The following MMP2 variants were observed in gnomAD, a reference collection of about 807,000 sequenced individuals.
MMP2 encodes the protein 72 kDa type IV collagenase.
MMP2 carries 39 observed loss-of-function variants against 74.8 expected under a neutral mutation model. The ratio of observed to expected loss-of-function variants is 0.52; its 90% CI spans 0.40 to 0.68. The LOEUF (loss-of-function observed/expected upper bound fraction) is 0.68. Among genes scored for constraint, MMP2 ranks in the 30% least tolerant of loss-of-function variants. The pLI is 0.00. For synonymous variants in MMP2, 367 were observed against 339.8 expected, an observed-to-expected ratio of 1.08 and a Z score of -0.88; for missense variants, 803 against 878.3, an observed-to-expected ratio of 0.91 and a Z score of 1.08.
chr16:55,491,352 C>T (rs536351453), intron 7 of MMP2, among the ~76,000 whole-genome samples: 1 of 152,224 alleles, frequency 6.6e-6, no homozygotes, highest in East Asian at 1.9e-4. Flanking sequence ...TTCACCTGGG[C>T]AGAAATGGTG....
At position 55,488,638 on chromosome 16, in the gene MMP2, C is replaced by T. The variant is rs777819097; in HGVS notation, c.928C>T (p.Arg310Cys). ...TSYDSCTTEG[R>C]TDGYRWCGTT... ...CTATGACAGCTGCACCACTGAGGGC[C>T]GCACGGATGGCTACCGCTGGTGCGG... The change falls in exon 6 of 13, where the codon CGC becomes TGC. Residue 310 changes from arginine (R) to cysteine (C), a missense_variant. By Grantham distance (180) the Arg-to-Cys change is radical (BLOSUM62 -3). This residue lies in a region of MMP2 where 555 missense variants were observed against 592.0 expected (regional missense o/e 0.94). Transcript: ENST00000219070. 8 of 1,613,606 alleles carry T rather than the reference C, an allele frequency of 5.0e-6. No homozygotes were observed. Among genetic ancestry groups the T allele is most frequent in the African/African-American group, 1.3e-5 (1 of 74,906 alleles).
chr16:55,483,162 G>A, intron 2 of MMP2, 27 bp downstream of exon 2: 1 of 1,581,438 alleles, frequency 6.3e-7, no homozygotes. Flanking sequence ...TGGGGAGGCA[G>A]GGCCATGGGG....
chr16:55,487,061 A>G (rs1962277986), intron 5 of MMP2: 1 of 152,194 alleles, frequency 6.6e-6, no homozygotes, highest in Non-Finnish European at 1.5e-5. Flanking sequence ...CCCGGTAGGG[A>G]TTACATGTGG....
chr16:55,489,797 C>A lies in MMP2; in HGVS notation c.1153C>A (p.Arg385Ser). 6.2e-7 allele frequency: 1 copy of A among 1,614,094 alleles called. No individual in the cohort carries two copies. The highest frequency in any genetic ancestry group is 8.5e-7 in the Non-Finnish European group (1 of 1,180,004). ...GACCACAGCCAACTACGATGATGAC[C>A]GCAAGTGGGGCTTCTGCCCTGACCA... is the stretch of plus-strand genomic sequence containing the variant. ...CATTANYDDD[R>S]KWGFCPDQGY... is the part of the protein sequence containing the mutation. Residue 385 changes from arginine (R) to serine (S), a missense_variant, in exon 7 of 13, where the codon CGC becomes AGC. Arg to Ser is a moderately radical substitution (Grantham distance 110). Around this residue, in one of 3 missense-constraint regions of MMP2, gnomAD observed 555 missense variants for 592.0 expected, o/e 0.94. Coordinates refer to ENST00000219070, the MANE Select transcript of MMP2 (RefSeq NM_004530.6).
rs151265944 is a variant in MMP2 at position 55,500,236 on chromosome 16, C to T, written c.1769+1788C>T. Among the ~76,000 whole-genome samples the T allele has an allele frequency of 1.2e-3, 180 of 152,002 alleles. 1 individual carries two copies. The highest frequency in any genetic ancestry group is 3.4e-3 in the Middle Eastern group (1 of 294). ...TAGCCCCAGACAGTGTGCACGCACA[C>T]GCACACACACACACGCGTACTGCGA... On this transcript the variant is annotated intron_variant, in intron 11 of 12. Transcript: ENST00000219070.
chr16:55,488,768 A>C, intron 6 of MMP2, 52 bp downstream of exon 6: 2 of 1,303,484 alleles, frequency 1.5e-6, no homozygotes, highest in East Asian at 2.8e-5. Flanking sequence ...GCTGTCTGAC[A>C]AAAAAAAAAC....
At chr16:55,486,620 T>C (rs765283415) in intron 5 of MMP2, 1 of 152,080 alleles carries the variant, frequency 6.6e-6, no homozygotes, top group Non-Finnish European at 1.5e-5. Flanking sequence ...TCAATCCTTT[T>C]TAAAAATATC....
Position 55,489,644 on chromosome 16 carries a change from C to A in MMP2, c.1007-7C>A, listed in dbSNP as rs768824253. On this transcript the variant is annotated splice_region_variant and splice_polypyrimidine_tract_variant and intron_variant, in intron 6 of 12. Transcript: ENST00000219070. ...CTGCGCCTTGACCCGTATCCCTAAC[C>A]CCACAGCCATGTCCACTGTTGGTGG... is the stretch of plus-strand genomic sequence containing the variant. 65 of 1,613,904 alleles carry A rather than the reference C, an allele frequency of 4.0e-5. No individual in the cohort carries two copies. Among genetic ancestry groups the A allele is most frequent in the Non-Finnish European group, 5.4e-5 (64 of 1,180,030 alleles).
At chr16:55,486,278 C>G (rs1050862710) in intron 5 of MMP2, among the ~76,000 whole-genome samples, 7 of 151,152 alleles carry the variant, frequency 4.6e-5, no homozygotes, top group Admixed American at 1.3e-4. Context: ...TGAGGAATTT[C>G]AGCTATTGCT....
At chr16:55,486,493 C>T (rs187278602) in intron 5 of MMP2, 33 of 152,220 alleles carry the variant, frequency 2.2e-4, no homozygotes, top group Admixed American at 5.9e-4. Context: ...AGACTTTAGG[C>T]TTGACTCAGT....
chr16:55,482,382 A>T (rs748428866), intron 1 of MMP2, among the ~76,000 whole-genome samples: 1 of 152,194 alleles, frequency 6.6e-6, no homozygotes, highest in Non-Finnish European at 1.5e-5. Context: ...AGAAAACAGG[A>T]GGAAAAAAGT....
At chr16:55,495,670 T>A (rs1251423086) in intron 9 of MMP2, among the ~76,000 whole-genome samples, 1 of 152,172 alleles carries the variant, frequency 6.6e-6, no homozygotes, top group East Asian at 1.9e-4. Flanking sequence ...TTTCTGCAAA[T>A]AACAGAGACC....
rs1421059840 is a variant in MMP2 at position 55,499,032 on chromosome 16, G to GGT, written c.1769+586_1769+587dup. 3.9e-5 allele frequency among the ~76,000 whole-genome samples: 6 copies of GGT among 152,196 alleles called. No homozygotes were observed. In the East Asian group the frequency reaches 1.2e-3, roughly 30 times the overall value. ...AAATGCAAAAAAATTAGCTGGACAT[G>GGT]GTGGTGCATGCCTGCAATCCCAGCT... On this transcript the variant is annotated intron_variant, in intron 11 of 12. Transcript: ENST00000219070.
chr16:55,502,746 C>T (rs371774019), intron 11 of MMP2, 33 bp from the exon 12 acceptor site: 102 of 1,579,850 alleles, frequency 6.5e-5, no homozygotes, highest in African/African-American at 2.0e-4. Flanking sequence ...TTTAGAGAGG[C>T]CCTGCTGGTT....
At chr16:55,492,044 C>G (rs1962422641) in intron 8 of MMP2, 88 bp downstream of exon 8, 38 of 1,331,366 alleles carry the variant, frequency 2.9e-5, no homozygotes, top group Non-Finnish European at 4.0e-5. Context: ...GTGGGACCAG[C>G]AAGATCTCAT....
chr16:55,486,347 C>CTGTGTGTGCCTG (rs1962254975), intron 5 of MMP2, among the ~76,000 whole-genome samples: 1 of 137,728 alleles, frequency 7.3e-6, no homozygotes, highest in Non-Finnish European at 1.5e-5. Flanking sequence ...GTGTGTGTGC[C>CTGTGTGTGCCTG]TGTGTGTGTG....
intron 6 of MMP2, 51 bp downstream of exon 6, chr16:55,488,767 C>CAA (rs3214373): frequency 1.2e-4 from 166 of 1,374,528 alleles, no homozygotes; most frequent in African/African-American, 7.9e-4. Context: ...TGCTGTCTGA[C>CAA]AAAAAAAAAA....
At chr16:55,491,071 C>CT (rs57901132) in intron 7 of MMP2, among the ~76,000 whole-genome samples, 5,535 of 145,734 alleles carry the variant, frequency 0.038, 270 homozygotes, top group African/African-American at 0.11. Flanking sequence ...GCCTCTCCTC[C>CT]TTTTTTTTTT....
chr16:55,482,143 C>A (rs1962121044), intron 1 of MMP2, among the ~76,000 whole-genome samples: 1 of 152,260 alleles, frequency 6.6e-6, no homozygotes, highest in Non-Finnish European at 1.5e-5. Context: ...TAGCACTGGG[C>A]TTGGTACATG....
Sources: gnomAD v4.1 joint callset for allele counts (sites outside exome capture counted in the v4.1 genomes callset) on GRCh38, gnomAD v4.1.1 for gene constraint, gnomAD v4.1.1 regional missense constraint, MANE v1.5 for transcripts, NCBI Gene and HGNC (gene_info 2026-07-23, HGNC 2026-07-21) for gene names.